Variants in CDH13 observed in about 807,000 individuals in gnomAD.
CDH13 encodes the protein cadherin 13, also known as cadherin-13.
Under a neutral mutation model 63.8 loss-of-function variants are expected in CDH13, and 24 were observed. That is an observed-to-expected ratio of 0.38 (90% CI 0.27 to 0.53). CDH13 has a LOEUF of 0.53. Ranked by LOEUF, CDH13 falls within the 20% of genes least tolerant of loss-of-function variation. The pLI is 0.85. For synonymous variants in CDH13, 503 were observed against 355.3 expected (o/e 1.42, Z -4.67); for missense variants, 1,049 against 903.1 (o/e 1.16, Z -2.07).
chr16:82,855,675 A>G (rs999967422), intron 1 of CDH13, among the ~76,000 whole-genome samples: 3 of 152,222 alleles, frequency 2.0e-5, no homozygotes, highest in Non-Finnish European at 2.9e-5. Flanking sequence ...AAGGGAATCC[A>G]TGATTCACAA....
rs1342574983 is a variant in CDH13, at chr16:83,019,323, G to A, written c.158-12687G>A. On this transcript the variant is annotated intron_variant, in intron 2 of 13. Coordinates refer to ENST00000567109, the MANE Select transcript of CDH13 (RefSeq NM_001257.5). Reference sequence around the variant, plus strand: ...GACATGAACACATACATTTGCCTAGGCCTACACAAGGTCAGAATCATGAAT... The same window carrying A: ...GACATGAACACATACATTTGCCTAGACCTACACAAGGTCAGAATCATGAAT... Among the ~76,000 whole-genome samples the A allele has an allele frequency of 3.3e-5, 5 of 151,682 alleles. No individual in the cohort carries two copies. The East Asian group carries it at 9.7e-4, about 29-fold the overall frequency.
intron 5 of CDH13, among the ~76,000 whole-genome samples, chr16:83,240,717 C>CATTTTT: frequency 1.2e-5 from 1 of 81,658 alleles, no homozygotes; most frequent in Non-Finnish European, 2.0e-5. Context: ...CTGTCTTAAT[C>CATTTTT]TTTTTTTTTT....
chr16:83,341,611 A>G (rs967328063), intron 5 of CDH13, among the ~76,000 whole-genome samples: 2 of 152,198 alleles, frequency 1.3e-5, no homozygotes, highest in Non-Finnish European at 2.9e-5. Context: ...GGGATCAAGC[A>G]TGATATACTT....
chr16:83,297,620 C>G (rs555342444), intron 5 of CDH13, among the ~76,000 whole-genome samples: 1 of 151,976 alleles, frequency 6.6e-6, no homozygotes, highest in South Asian at 2.1e-4. Context: ...GATGTTTTTG[C>G]CAAAATGTTG....
intron 2 of CDH13, among the ~76,000 whole-genome samples, chr16:83,028,634 A>G (rs981780064): frequency 6.6e-6 from 1 of 152,230 alleles, no homozygotes; most frequent in Admixed American, 6.5e-5. Context: ...ATACATAGCT[A>G]TGTTAAAGTT....
intron 6 of CDH13, among the ~76,000 whole-genome samples, chr16:83,357,567 T>C (rs946491917): frequency 7.9e-5 from 12 of 152,066 alleles, no homozygotes; most frequent in African/African-American, 2.9e-4. Flanking sequence ...TGGTCCAAGT[T>C]TGAATGATTT....
At chr16:82,936,971 G>A (rs1292794614) in intron 2 of CDH13, among the ~76,000 whole-genome samples, 1 of 152,150 alleles carries the variant, frequency 6.6e-6, no homozygotes, top group African/African-American at 2.4e-5. Flanking sequence ...ATGGTCCTGG[G>A]CTGTGACCTC....
intron 6 of CDH13, among the ~76,000 whole-genome samples, chr16:83,418,649 C>T (rs936825654): frequency 1.3e-5 from 2 of 152,088 alleles, no homozygotes; most frequent in Non-Finnish European, 2.9e-5. Context: ...GTTGCTAGAA[C>T]TTGGCCTATG....
At chr16:83,302,986 G>A (rs959915055) in intron 5 of CDH13, among the ~76,000 whole-genome samples, 1 of 152,180 alleles carries the variant, frequency 6.6e-6, no homozygotes, top group Non-Finnish European at 1.5e-5. Context: ...TCATGTCTCT[G>A]ATCTATCATG....
At chr16:82,741,457 T>C (rs1004836191) in intron 1 of CDH13, among the ~76,000 whole-genome samples, 1 of 152,330 alleles carries the variant, frequency 6.6e-6, no homozygotes, top group Non-Finnish European at 1.5e-5. Context: ...ATTTTATACA[T>C]ATGGCTATAA....
chr16:83,470,331 A>T (rs528753914), intron 6 of CDH13, among the ~76,000 whole-genome samples: 10 of 152,314 alleles, frequency 6.6e-5, no homozygotes, highest in African/African-American at 2.4e-4. Flanking sequence ...TGCTGGGATT[A>T]CAGATGTGAG....
chr16:83,646,368 C>G (rs1206831695), intron 8 of CDH13, among the ~76,000 whole-genome samples: 1 of 152,180 alleles, frequency 6.6e-6, no homozygotes, highest in East Asian at 1.9e-4. Context: ...AATAAGCTTT[C>G]TGTTGCTGCC....
At chr16:82,796,491 T>A (rs1285998367) in intron 1 of CDH13, among the ~76,000 whole-genome samples, 9 of 152,190 alleles carry the variant, frequency 5.9e-5, no homozygotes, top group Non-Finnish European at 2.9e-5. Flanking sequence ...GAGGACAGGG[T>A]GGACCCCACC....
At chr16:83,415,853 A>T (rs1258483377) in intron 6 of CDH13, among the ~76,000 whole-genome samples, 1 of 152,208 alleles carries the variant, frequency 6.6e-6, no homozygotes, top group Non-Finnish European at 1.5e-5. Context: ...CAAGATAGGG[A>T]TACTCACTGT....
chr16:83,696,495 A>G (rs1905427840), intron 10 of CDH13, among the ~76,000 whole-genome samples: 1 of 152,040 alleles, frequency 6.6e-6, no homozygotes, highest in African/African-American at 2.4e-5. Flanking sequence ...TCCACCTGGA[A>G]CTCCCACCAG....
intron 5 of CDH13, among the ~76,000 whole-genome samples, chr16:83,297,946 C>T (rs1368142305): frequency 6.6e-6 from 1 of 150,788 alleles, no homozygotes; most frequent in African/African-American, 2.4e-5. Flanking sequence ...CACGGCAGCT[C>T]ACACTTGTAA....
At chr16:82,961,602 G>A (rs1174291430) in intron 2 of CDH13, among the ~76,000 whole-genome samples, 3 of 140,406 alleles carry the variant, frequency 2.1e-5, no homozygotes, top group Admixed American at 2.1e-4. Context: ...AAAAACTACT[G>A]GTACTTGGGC....
intron 1 of CDH13, among the ~76,000 whole-genome samples, chr16:82,821,690 C>A (rs1354783086): frequency 2.6e-5 from 4 of 152,204 alleles, no homozygotes; most frequent in African/African-American, 4.8e-5. Context: ...GAGTAATATT[C>A]CCTGACCTTA....
intron 5 of CDH13, among the ~76,000 whole-genome samples, chr16:83,285,970 C>T (rs2089302027): frequency 6.6e-6 from 1 of 152,186 alleles, no homozygotes; most frequent in South Asian, 2.1e-4. Context: ...TGCCCATGTC[C>T]TGCCCACTTT....
Sources: allele counts gnomAD v4.1 joint callset (sites outside exome capture counted in the v4.1 genomes callset), GRCh38; gene constraint gnomAD v4.1.1; transcripts MANE v1.5; gene names NCBI Gene and HGNC (gene_info 2026-07-23, HGNC 2026-07-21).